The following NFIA variants were observed in gnomAD, a reference collection of about 807,000 sequenced individuals.
NFIA encodes the protein nuclear factor 1 A-type.
In NFIA, 8 loss-of-function variants were observed where a neutral mutation model predicts 62.8. That is an observed-to-expected ratio of 0.13 (90% CI 0.07 to 0.23). The LOEUF is 0.23. Among genes scored for constraint, NFIA ranks in the 10% least tolerant of loss-of-function variants. The pLI is 1.00. For missense variants in NFIA, 410 were observed against 642.1 expected, an observed-to-expected ratio of 0.64 and a Z score of 3.91; for synonymous variants, 235 against 238.1, an observed-to-expected ratio of 0.99 and a Z score of 0.12.
chr1:61,322,912 T>C (rs7518456), intron 3 of NFIA, among the ~76,000 whole-genome samples: 3 of 152,164 alleles, frequency 2.0e-5, no homozygotes, highest in South Asian at 4.1e-4. Context: ...TAAACATTTA[T>C]TGAATGGAAG....
intron 2 of NFIA, among the ~76,000 whole-genome samples, chr1:61,182,222 C>T (rs997006026): frequency 3.9e-5 from 6 of 152,156 alleles, no homozygotes; most frequent in African/African-American, 1.4e-4. Context: ...CAGGAGGAAG[C>T]ATCTTAGAGT....
chr1:61,108,496 T>C (rs531053788), intron 2 of NFIA, among the ~76,000 whole-genome samples: 1 of 151,856 alleles, frequency 6.6e-6, no homozygotes, highest in Admixed American at 6.6e-5. Context: ...TTCTTTTTTG[T>C]TTACTATTTC....
chr1:61,205,743 T>C (rs984398404), intron 2 of NFIA, among the ~76,000 whole-genome samples: 6 of 151,130 alleles, frequency 4.0e-5, no homozygotes, highest in Admixed American at 6.6e-5. Flanking sequence ...ACCAGAGAGG[T>C]TTGTTGAATT....
chr1:61,106,997 G>A (rs766108234), intron 2 of NFIA, among the ~76,000 whole-genome samples: 56 of 150,798 alleles, frequency 3.7e-4, no homozygotes, highest in Non-Finnish European at 6.8e-4. Context: ...TCTGGGAATT[G>A]CTTTTTTTCA....
At chr1:61,223,756 A>G (rs1266223170) in intron 2 of NFIA, among the ~76,000 whole-genome samples, 1 of 152,104 alleles carries the variant, frequency 6.6e-6, no homozygotes, top group Non-Finnish European at 1.5e-5. Flanking sequence ...ATTAAAATTT[A>G]CATTTTCTAA....
chr1:61,258,394 G>GAAA (rs2100231842), intron 2 of NFIA, among the ~76,000 whole-genome samples: 1 of 152,274 alleles, frequency 6.6e-6, no homozygotes, highest in Admixed American at 6.5e-5. Flanking sequence ...GTGCTACAAT[G>GAAA]AAAACCAAAA....
At chr1:61,098,021 A>G (rs1302662880) in intron 2 of NFIA, among the ~76,000 whole-genome samples, 5 of 152,224 alleles carry the variant, frequency 3.3e-5, no homozygotes, top group African/African-American at 9.6e-5. Context: ...ATTTTTTAAC[A>G]TTCCAAATGA....
chr1:61,382,214 G>GGCATCAA (rs1286358729), intron 6 of NFIA, among the ~76,000 whole-genome samples: 1 of 152,054 alleles, frequency 6.6e-6, no homozygotes, highest in Non-Finnish European at 1.5e-5. Context: ...CTATCAAACT[G>GGCATCAA]ATAGATGCCT....
chr1:61,338,184 G>A (rs1169485401), intron 4 of NFIA, among the ~76,000 whole-genome samples: 1 of 152,208 alleles, frequency 6.6e-6, no homozygotes, highest in East Asian at 1.9e-4. Context: ...CAGCCTTAGA[G>A]TCTTTGGGTG....
intron 9 of NFIA, among the ~76,000 whole-genome samples, chr1:61,419,200 T>C (rs374835532): frequency 6.6e-6 from 1 of 152,134 alleles, no homozygotes; most frequent in African/African-American, 2.4e-5. Context: ...CCCAGCACTT[T>C]GGGAGGCCAT....
intron 2 of NFIA, among the ~76,000 whole-genome samples, chr1:61,138,963 G>C (rs955152438): frequency 1.3e-5 from 2 of 151,738 alleles, no homozygotes; most frequent in Non-Finnish European, 2.9e-5. Flanking sequence ...GCCGAGGTAG[G>C]CAGATCACTT....
intron 2 of NFIA, among the ~76,000 whole-genome samples, chr1:61,213,753 G>A (rs557906895): frequency 2.6e-5 from 4 of 152,234 alleles, no homozygotes; most frequent in Admixed American, 6.5e-5. Flanking sequence ...CTTGCGATCC[G>A]ATGGCTTGAA....
At chr1:61,281,590 C>T (rs923677227) in intron 3 of NFIA, among the ~76,000 whole-genome samples, 1 of 152,156 alleles carries the variant, frequency 6.6e-6, no homozygotes, top group Non-Finnish European at 1.5e-5. Flanking sequence ...TTGTTTTATC[C>T]TCACAATCTG....
At chr1:61,084,174 G>A (rs1646176872) in intron 1 of NFIA, among the ~76,000 whole-genome samples, 1 of 152,122 alleles carries the variant, frequency 6.6e-6, no homozygotes. Context: ...CCTTCATTTA[G>A]TAGGAGATAA....
chr1:61,287,399 A>G (rs1473274149), intron 3 of NFIA, among the ~76,000 whole-genome samples: 1 of 152,206 alleles, frequency 6.6e-6, no homozygotes, highest in Non-Finnish European at 1.5e-5. Flanking sequence ...ATTTCTCAAA[A>G]TGGAGGTCGA....
At chr1:61,120,668 G>T (rs999418313) in intron 2 of NFIA, among the ~76,000 whole-genome samples, 2 of 152,196 alleles carry the variant, frequency 1.3e-5, no homozygotes, top group African/African-American at 4.8e-5. Flanking sequence ...AGTGATCAAG[G>T]TAGCACATAC....
chr1:61,186,039 T>C (rs867515081), intron 2 of NFIA, among the ~76,000 whole-genome samples: 10 of 152,224 alleles, frequency 6.6e-5, no homozygotes, highest in African/African-American at 1.9e-4. Context: ...TTGGGCAAGT[T>C]AGAATACTCC....
intron 9 of NFIA, among the ~76,000 whole-genome samples, chr1:61,421,199 T>C (rs1028560537): frequency 7.9e-5 from 12 of 152,164 alleles, no homozygotes; most frequent in African/African-American, 2.7e-4. Context: ...TATTACTTTT[T>C]AGGCACTCAT....
intron 4 of NFIA, among the ~76,000 whole-genome samples, chr1:61,343,624 T>G (rs756115889): frequency 8.5e-5 from 13 of 152,200 alleles, no homozygotes; most frequent in Non-Finnish European, 1.5e-4. Flanking sequence ...GTTCATTGCC[T>G]TTTTTTAATG....
Sources: allele counts gnomAD v4.1 joint callset (sites outside exome capture counted in the v4.1 genomes callset), GRCh38; gene constraint gnomAD v4.1.1; transcripts MANE v1.5; gene names NCBI Gene and HGNC (gene_info 2026-07-23, HGNC 2026-07-21).